Variants in HACL1 observed in about 807,000 individuals in gnomAD.
HACL1 encodes 1600020H07Rik.
HACL1 carries 64 observed loss-of-function variants against 74.2 expected under a neutral mutation model. The ratio of observed to expected loss-of-function variants is 0.86; its 90% CI spans 0.70 to 1.06. HACL1 has a LOEUF of 1.06. HACL1 is among the 50% of genes least tolerant of loss of function. HACL1 has a pLI of 0.00. For missense variants in HACL1, 728 were observed against 719.7 expected, an observed-to-expected ratio of 1.01 and a Z score of -0.13; for synonymous variants, 230 against 238.8, an observed-to-expected ratio of 0.96 and a Z score of 0.34.
At chr3:15,598,557 A>G (rs749909008) in intron 2 of HACL1, among the ~76,000 whole-genome samples, 4 of 152,244 alleles carry the variant, frequency 2.6e-5, no homozygotes, top group African/African-American at 4.8e-5. Flanking sequence ...ATCAGTTCGT[A>G]TGTGTAAAAC....
chr3:15,571,557 C>G (rs781606080), intron 12 of HACL1, 111 bp downstream of exon 12: 18 of 726,082 alleles, frequency 2.5e-5, no homozygotes, highest in Middle Eastern at 2.3e-4. Context: ...GTTTTCACTG[C>G]ACAATTTTGC....
At chr3:15,593,453 A>C (rs934205544) in intron 3 of HACL1, among the ~76,000 whole-genome samples, 1 of 152,006 alleles carries the variant, frequency 6.6e-6, no homozygotes, top group African/African-American at 2.4e-5. Flanking sequence ...TCCTGGGCTC[A>C]AGCAATCTGC....
intron 8 of HACL1, among the ~76,000 whole-genome samples, chr3:15,581,251 C>A (rs1266731798): frequency 6.6e-6 from 1 of 152,202 alleles, no homozygotes; most frequent in African/African-American, 2.4e-5. Context: ...AACCCTCTGC[C>A]CTATTCCCTT....
chr3:15,596,291 A>G, intron 3 of HACL1, 93 bp downstream of exon 3: 1 of 717,584 alleles, frequency 1.4e-6, no homozygotes, highest in South Asian at 1.6e-5. Flanking sequence ...TTTTTCTATA[A>G]TCTTTCCAAA....
At chr3:15,595,462 CAT>C (rs151026552) in intron 3 of HACL1, among the ~76,000 whole-genome samples, 3,678 of 151,968 alleles carry the variant, frequency 0.024, 225 homozygotes, top group Admixed American at 0.12. Flanking sequence ...TTAAAACTAA[CAT>C]ATGTGAAAAA....
At chr3:15,568,305 T>C (rs2063469368) in intron 13 of HACL1, 127 bp downstream of exon 13, 3 of 672,170 alleles carry the variant, frequency 4.5e-6, no homozygotes, top group African/African-American at 1.8e-5. Context: ...AGGATACTTT[T>C]ATGAAATATG....
intron 11 of HACL1, 25 bp from the exon 12 acceptor site, chr3:15,571,794 C>A (rs376533178): frequency 1.1e-4 from 80 of 749,268 alleles, no homozygotes; most frequent in Admixed American, 4.9e-4. Context: ...AACACACACA[C>A]ACAAACACAT....
intron 4 of HACL1, among the ~76,000 whole-genome samples, chr3:15,591,361 C>G (rs1339304335): frequency 6.6e-6 from 1 of 152,050 alleles, no homozygotes; most frequent in Admixed American, 6.6e-5. Context: ...TCATGTTGTA[C>G]ATTAGATCTC....
intron 8 of HACL1, 77 bp from the exon 9 acceptor site, chr3:15,580,122 T>A: frequency 8.4e-7 from 1 of 1,194,170 alleles, no homozygotes; most frequent in South Asian, 1.3e-5. Context: ...TCATGTGAAA[T>A]TGCTTTTTAC....
At chr3:15,588,050 A>T (rs893270367) in intron 5 of HACL1, among the ~76,000 whole-genome samples, 1 of 151,718 alleles carries the variant, frequency 6.6e-6, no homozygotes, top group Non-Finnish European at 1.5e-5. Flanking sequence ...CCCACCACCA[A>T]GCCCAGCTAA....
At position 15,576,154 on chromosome 3, in the gene HACL1, C is replaced by CAA. The variant is rs1185744343; in HGVS notation, c.804-1074_804-1073dup. 6.9e-3 allele frequency among the ~76,000 whole-genome samples: 421 copies of CAA among 61,236 alleles called. 3 individuals are homozygous for CAA. Among genetic ancestry groups the CAA allele is most frequent in the Admixed American group, 0.025 (132 of 5,198 alleles). The allele number at this position is 61,236 out of a possible 152,430, so 40.2% of individuals were successfully genotyped here. A position where few individuals can be genotyped will look rare whatever the true frequency, so the allele number is the denominator to read the frequency against. ...CTAGTAACAAAGCGAGACTCTGTCT[C>CAA]AAAAAAAAAAAAAAAAAAAAAAAGG... is the stretch of plus-strand genomic sequence containing the variant. On this transcript the variant is annotated intron_variant, in intron 9 of 16. Coordinates refer to ENST00000321169, the MANE Select transcript of HACL1 (RefSeq NM_012260.4).
intron 10 of HACL1, 78 bp from the exon 11 acceptor site, chr3:15,573,320 A>G (rs931108247): frequency 7.8e-5 from 64 of 823,152 alleles, no homozygotes; most frequent in Non-Finnish European, 1.4e-4. Context: ...GATTGAATAA[A>G]TGAACTGTGT....
intron 14 of HACL1, among the ~76,000 whole-genome samples, chr3:15,567,315 C>T (rs1279449905): frequency 6.8e-6 from 1 of 147,330 alleles, no homozygotes; most frequent in South Asian, 2.2e-4. Flanking sequence ...GTTCAAGCAA[C>T]TCTTCTGCTT....
In HACL1 at chr3:15,567,917, C is replaced by A; in HGVS notation, c.1336G>T (p.Gly446Trp). 1.9e-6 allele frequency: 3 copies of A among 1,614,084 alleles called. No individual in the cohort carries two copies. Among genetic ancestry groups the A allele is most frequent in the Non-Finnish European group, 2.5e-6 (3 of 1,179,890 alleles). Residue 446 changes from glycine to tryptophan, a missense_variant, in exon 14 of 17, where the codon GGG (glycine) becomes TGG (tryptophan). Gly to Trp is a radical substitution (Grantham distance 184). Coordinates refer to ENST00000321169, the MANE Select transcript of HACL1 (RefSeq NM_012260.4). ...AAVVAKDRSP[G>W]QWIICVEGDS... ...CCTTCCACACAGATGATCCATTGCC[C>A]AGGGCTTCTATCTTTAGCCACCACG...
At chr3:15,601,231 C>A (rs912870405) in intron 1 of HACL1, 37 bp from the exon 2 acceptor site, 1 of 1,552,930 alleles carries the variant, frequency 6.4e-7, no homozygotes, top group African/African-American at 1.4e-5. Context: ...ACTCCCAAGG[C>A]CCCACCATAT....
At chr3:15,574,930 T>C (rs1213771281) in intron 10 of HACL1, 47 bp downstream of exon 10, 1 of 839,666 alleles carries the variant, frequency 1.2e-6, no homozygotes, top group Non-Finnish European at 2.1e-6. Context: ...ATAGGGAGAA[T>C]AATGAACATA....
intron 7 of HACL1, among the ~76,000 whole-genome samples, chr3:15,584,078 A>T (rs2063754302): frequency 6.6e-6 from 1 of 152,214 alleles, no homozygotes; most frequent in African/African-American, 2.4e-5. Flanking sequence ...TATTTCATTT[A>T]TTCTAATTAA....
intron 2 of HACL1, among the ~76,000 whole-genome samples, chr3:15,598,555 G>A (rs1389271660): frequency 6.6e-6 from 1 of 152,128 alleles, no homozygotes; most frequent in Admixed American, 6.5e-5. Flanking sequence ...AAATCAGTTC[G>A]TATGTGTAAA....
At chr3:15,590,365 T>A (rs1204508491) in intron 4 of HACL1, among the ~76,000 whole-genome samples, 1 of 150,428 alleles carries the variant, frequency 6.6e-6, no homozygotes, top group Non-Finnish European at 1.5e-5. Flanking sequence ...AACCTTAAGG[T>A]ACTTAAAAAA....
Sources: allele counts gnomAD v4.1 joint callset (sites outside exome capture counted in the v4.1 genomes callset), GRCh38; gene constraint gnomAD v4.1.1; transcripts MANE v1.5; gene names NCBI Gene and HGNC (gene_info 2026-07-23, HGNC 2026-07-21).